Variants in DPP10 observed in about 807,000 individuals in gnomAD.
DPP10 encodes dipeptidyl peptidase like 10, also known as inactive dipeptidyl peptidase 10.
A neutral mutation model predicts 120.9 loss-of-function variants in DPP10; 33 were observed. The ratio of observed to expected loss-of-function variants is 0.27; its 90% confidence interval spans 0.21 to 0.37. DPP10 has a LOEUF of 0.37. Among genes scored for constraint, DPP10 ranks in the 10% least tolerant of loss-of-function variants. The pLI is 1.00. For missense variants in DPP10, 816 were observed against 942.8 expected (o/e 0.87, Z 1.76); for synonymous variants, 337 against 326.1 (o/e 1.03, Z -0.36).
intron 5 of DPP10, among the ~76,000 whole-genome samples, chr2:115,616,228 T>C (rs1170030447): frequency 2.0e-5 from 3 of 152,126 alleles, no homozygotes; most frequent in African/African-American, 4.8e-5. Flanking sequence ...ACTTTGTCAG[T>C]AAATAAATAT....
intron 7 of DPP10, among the ~76,000 whole-genome samples, chr2:115,700,483 T>A (rs2091838963): frequency 6.6e-6 from 1 of 152,250 alleles, no homozygotes; most frequent in Admixed American, 6.5e-5. Context: ...ATCATTATAC[T>A]TAATGGTCAA....
chr2:115,784,220 T>C (rs1004412698), intron 17 of DPP10, among the ~76,000 whole-genome samples: 2 of 152,286 alleles, frequency 1.3e-5, no homozygotes, highest in Admixed American at 6.5e-5. Context: ...CTTAGGGAGA[T>C]AAAATTTATA....
intron 3 of DPP10, among the ~76,000 whole-genome samples, chr2:115,385,395 G>A (rs567798317): frequency 4.1e-5 from 6 of 147,108 alleles, no homozygotes; most frequent in South Asian, 2.1e-4. Context: ...CGCTCTTGTC[G>A]CCCAGGCTGG....
At chr2:115,713,351 G>A (rs768764878) in intron 7 of DPP10, among the ~76,000 whole-genome samples, 45 of 152,070 alleles carry the variant, frequency 3.0e-4, no homozygotes, top group Non-Finnish European at 6.0e-4. Flanking sequence ...TGAGAATGTA[G>A]AGTTAAAGGT....
intron 12 of DPP10, among the ~76,000 whole-genome samples, chr2:115,767,473 A>ATGTGTGTG (rs10689084): frequency 1.3e-4 from 20 of 150,568 alleles, no homozygotes; most frequent in Non-Finnish European, 2.4e-4. Flanking sequence ...ACATACATAT[A>ATGTGTGTG]TGTGTGTGTG....
At chr2:115,499,133 G>A (rs1482425423) in intron 3 of DPP10, among the ~76,000 whole-genome samples, 1 of 152,056 alleles carries the variant, frequency 6.6e-6, no homozygotes, top group African/African-American at 2.4e-5. Context: ...TCAACTGGCA[G>A]CACTTTTAAG....
intron 1 of DPP10, among the ~76,000 whole-genome samples, chr2:114,500,740 A>G (rs1218037853): frequency 6.6e-6 from 1 of 152,218 alleles, no homozygotes; most frequent in African/African-American, 2.4e-5. Context: ...AATAGTTTTG[A>G]TGTACTAGGA....
intron 3 of DPP10, among the ~76,000 whole-genome samples, chr2:115,492,958 G>T (rs1488427041): frequency 6.6e-6 from 1 of 152,112 alleles, no homozygotes; most frequent in African/African-American, 2.4e-5. Context: ...ACAAGATCTG[G>T]TGTATTTATT....
intron 3 of DPP10, among the ~76,000 whole-genome samples, chr2:115,466,826 G>A (rs2074357394): frequency 6.6e-6 from 1 of 152,110 alleles, no homozygotes; most frequent in Non-Finnish European, 1.5e-5. Context: ...TTACTCACAG[G>A]TAAAATGGTG....
chr2:114,608,207 C>T (rs542535183), intron 1 of DPP10, among the ~76,000 whole-genome samples: 14 of 152,228 alleles, frequency 9.2e-5, no homozygotes, highest in Admixed American at 4.6e-4. Context: ...CAGACAAATA[C>T]GCAGGAAATA....
intron 1 of DPP10, among the ~76,000 whole-genome samples, chr2:115,114,670 A>C (rs942674577): frequency 6.6e-6 from 1 of 152,164 alleles, no homozygotes; most frequent in South Asian, 2.1e-4. Context: ...TTCTAACGCA[A>C]GTGAGTATTT....
At chr2:115,273,079 G>C (rs2105822406) in intron 1 of DPP10, among the ~76,000 whole-genome samples, 1 of 152,230 alleles carries the variant, frequency 6.6e-6, no homozygotes, top group East Asian at 1.9e-4. Context: ...ATAGATGAGA[G>C]AGAGACAGAG....
At chr2:115,577,940 G>A (rs1044800679) in intron 5 of DPP10, among the ~76,000 whole-genome samples, 3 of 152,112 alleles carry the variant, frequency 2.0e-5, no homozygotes, top group Non-Finnish European at 2.9e-5. Flanking sequence ...CATAATTCTA[G>A]GGGGACACAA....
chr2:115,432,848 G>C (rs974030634), intron 3 of DPP10, among the ~76,000 whole-genome samples: 2 of 151,936 alleles, frequency 1.3e-5, no homozygotes, highest in African/African-American at 2.4e-5. Context: ...CTATGCACAG[G>C]AAAGCCGTCC....
At chr2:114,855,969 C>G (rs531257950) in intron 1 of DPP10, among the ~76,000 whole-genome samples, 50 of 147,218 alleles carry the variant, frequency 3.4e-4, no homozygotes, top group African/African-American at 1.2e-3. Flanking sequence ...AGCCACAGAA[C>G]AAACCGTTAA....
chr2:115,593,980 T>A (rs2082838302), intron 5 of DPP10, among the ~76,000 whole-genome samples: 1 of 152,200 alleles, frequency 6.6e-6, no homozygotes, highest in African/African-American at 2.4e-5. Flanking sequence ...ATGAAGTGGG[T>A]AAATTCCTCT....
At chr2:115,210,711 C>G (rs888332210) in intron 1 of DPP10, among the ~76,000 whole-genome samples, 1 of 152,134 alleles carries the variant, frequency 6.6e-6, no homozygotes, top group East Asian at 1.9e-4. Context: ...GATCACCATT[C>G]TAACTGGTGT....
intron 1 of DPP10, among the ~76,000 whole-genome samples, chr2:114,510,696 C>G (rs1415162064): frequency 6.6e-6 from 1 of 151,886 alleles, no homozygotes; most frequent in Non-Finnish European, 1.5e-5. Flanking sequence ...AGCAGGTGCT[C>G]AATAAATGTC....
At chr2:115,385,702 A>T (rs2066883301) in intron 3 of DPP10, among the ~76,000 whole-genome samples, 6 of 152,118 alleles carry the variant, frequency 3.9e-5, no homozygotes, top group Admixed American at 3.9e-4. Context: ...CACTAAACCA[A>T]AGCATAAATG....
Sources: allele counts gnomAD v4.1 joint callset (sites outside exome capture counted in the v4.1 genomes callset), GRCh38; gene constraint gnomAD v4.1.1; transcripts MANE v1.5; gene names NCBI Gene and HGNC (gene_info 2026-07-23, HGNC 2026-07-21).